SPATA22: variants seen among roughly 807,000 people sequenced by gnomAD.
The protein encoded by SPATA22 is spermatogenesis-associated protein 22.
SPATA22 carries 29 observed loss-of-function variants against 47.8 expected under a neutral mutation model. That is an observed-to-expected ratio of 0.61 (90% CI 0.45 to 0.83). The LOEUF is 0.83. Ranked by LOEUF, SPATA22 falls within the 40% of genes least tolerant of loss-of-function variation. SPATA22 has a pLI of 0.00. For missense variants in SPATA22, 410 were observed against 421.7 expected (o/e 0.97, Z 0.24); for synonymous variants, 133 against 140.9 (o/e 0.94, Z 0.40).
intron 3 of SPATA22, among the ~76,000 whole-genome samples, chr17:3,464,851 C>T (rs1338474692): frequency 1.6e-5 from 2 of 121,690 alleles, no homozygotes; most frequent in South Asian, 2.6e-4. Context: ...AAGTGAGGAG[C>T]GTCTCCGCCC....
chr17:3,508,806 C>T (rs1174368375), intron 1 of SPATA22, among the ~76,000 whole-genome samples: 6 of 141,934 alleles, frequency 4.2e-5, no homozygotes, highest in African/African-American at 1.3e-4. Context: ...TGCTAAATGA[C>T]GAGTTAATGG....
At chr17:3,493,852 G>GGCCGTCGGCGTGTTTGTGGACAGAGT (rs2073866029) in intron 1 of SPATA22, among the ~76,000 whole-genome samples, 1 of 152,014 alleles carries the variant, frequency 6.6e-6, no homozygotes, top group African/African-American at 2.4e-5. Context: ...TTCTACCTCT[G>GGCCGTCGGCGTGTTTGTGGACAGAGT]GCCGTCGGCG....
At position 3,440,299 on chromosome 17, in the gene SPATA22, T is replaced by C; in HGVS notation, c.940A>G (p.Arg314Gly). ...LPRLIRGRVH[R>G]CVGNYDQKKN... ...TTCTGGTCATAGTTGCCAACACATC[T>C]ATGAACTCGGCCTCTAATCAGTCTC... Residue 314 changes from arginine (R) to glycine (G), a missense_variant, in exon 9 of 9, where the codon AGA becomes GGA. Arg to Gly is a moderately radical substitution (Grantham distance 125, BLOSUM62 -2). Transcript: ENST00000572969. 6.2e-7 allele frequency: 1 copy of C among 1,602,724 alleles called. No homozygotes were observed. The highest frequency in any genetic ancestry group is 8.5e-7 in the Non-Finnish European group (1 of 1,172,900).
chr17:3,458,925 C>G (rs1401375563), intron 5 of SPATA22, among the ~76,000 whole-genome samples: 1 of 131,260 alleles, frequency 7.6e-6, no homozygotes, highest in Non-Finnish European at 1.6e-5. Flanking sequence ...AATGGACTAA[C>G]AAATGTATCA....
intron 1 of SPATA22, among the ~76,000 whole-genome samples, chr17:3,508,757 G>T (rs1406398655): frequency 2.0e-5 from 2 of 102,048 alleles, no homozygotes; most frequent in East Asian, 7.3e-4. Context: ...TTGTGGGGTG[G>T]GGGGAGGGGG....
At chr17:3,475,263 A>G (rs2073504013), upstream of SPATA22, among the ~76,000 whole-genome samples, 2 of 152,100 alleles carry the variant, frequency 1.3e-5, no homozygotes, top group African/African-American at 2.4e-5. Context: ...TTTTTGAGTA[A>G]CACAGTCCAG....
At chr17:3,501,973 A>G (rs2073996430) in intron 1 of SPATA22, 2 of 152,176 alleles carry the variant, frequency 1.3e-5, no homozygotes, top group Admixed American at 1.3e-4. Context: ...AAAAAAAAAA[A>G]ATGAGTTCTA....
At chr17:3,498,286 C>T (rs2073941241) in intron 1 of SPATA22, among the ~76,000 whole-genome samples, 1 of 152,122 alleles carries the variant, frequency 6.6e-6, no homozygotes, top group South Asian at 2.1e-4. Flanking sequence ...TTTAGTTTTG[C>T]CTTTTAATAT....
intron 1 of SPATA22, among the ~76,000 whole-genome samples, chr17:3,479,380 ATTAACTT>A (rs2073588747): frequency 6.6e-6 from 1 of 152,258 alleles, no homozygotes; most frequent in Admixed American, 6.5e-5. Context: ...TATTTCATGA[ATTAACTT>A]TTAAAATGTA....
At position 3,440,081 on chromosome 17, in the gene SPATA22, G is replaced by T; in HGVS notation, c.*66C>A. The T allele has an allele frequency of 9.8e-7, 1 of 1,021,428 alleles. No individual in the cohort carries two copies. The highest frequency in any genetic ancestry group is 1.4e-6 in the Non-Finnish European group (1 of 727,406). 63.3% of individuals were successfully genotyped at this position (1,021,428 alleles called of 1,614,324 possible). A position where few individuals can be genotyped will look rare whatever the true frequency, so the allele number is the denominator to read the frequency against. ...ATACAATAGTAGCTATAAAACTATGGAGATGGTAAATTAAGCAATAACAGA... is the reference window on the plus strand; with the variant it reads ...ATACAATAGTAGCTATAAAACTATGTAGATGGTAAATTAAGCAATAACAGA... On this transcript the variant is annotated 3_prime_UTR_variant, in exon 9 of 9. Coordinates refer to ENST00000572969, the MANE Select transcript of SPATA22 (RefSeq NM_001170698.2).
At chr17:3,445,736 G>C (rs953776452) in intron 7 of SPATA22, among the ~76,000 whole-genome samples, 5 of 152,016 alleles carry the variant, frequency 3.3e-5, no homozygotes, top group Non-Finnish European at 7.4e-5. Context: ...ATCATTTTTA[G>C]GTGAAAGTTA....
chr17:3,487,362 A>C (rs901710852), intron 1 of SPATA22, among the ~76,000 whole-genome samples: 1 of 152,220 alleles, frequency 6.6e-6, no homozygotes, highest in Non-Finnish European at 1.5e-5. Context: ...GAAGGAGAAC[A>C]TATAACATTT....
intron 1 of SPATA22, among the ~76,000 whole-genome samples, chr17:3,484,947 A>G (rs1182221916): frequency 1.3e-5 from 2 of 152,148 alleles, no homozygotes; most frequent in African/African-American, 4.8e-5. Flanking sequence ...ATGTATGCTT[A>G]CTAAATATTA....
At chr17:3,489,394 T>A (rs1265938892) in intron 1 of SPATA22, 1 of 1,429,326 alleles carries the variant, frequency 7.0e-7, no homozygotes, top group African/African-American at 1.4e-5. Flanking sequence ...AACATTTAAA[T>A]AACAATTGGA....
intron 5 of SPATA22, among the ~76,000 whole-genome samples, chr17:3,455,371 ATG>A (rs2072963543): frequency 6.6e-6 from 1 of 151,518 alleles, no homozygotes; most frequent in Admixed American, 6.6e-5. Context: ...GTCCTTGCCC[ATG>A]CCTATGTCCT....
At chr17:3,472,678 C>T (rs767960930), upstream of SPATA22, among the ~76,000 whole-genome samples, 3 of 152,128 alleles carry the variant, frequency 2.0e-5, no homozygotes, top group Non-Finnish European at 4.4e-5. Flanking sequence ...AGTTCAAAGC[C>T]CATGTTTTGT....
intron 3 of SPATA22, among the ~76,000 whole-genome samples, chr17:3,465,883 C>T (rs759393774): frequency 6.6e-6 from 1 of 152,050 alleles, no homozygotes; most frequent in South Asian, 2.1e-4. Flanking sequence ...CTGGTCCGAG[C>T]TTGAAGTACT....
At chr17:3,504,294 AC>A (rs2074021257) in intron 1 of SPATA22, among the ~76,000 whole-genome samples, 1 of 152,164 alleles carries the variant, frequency 6.6e-6, no homozygotes, top group Non-Finnish European at 1.5e-5. Flanking sequence ...CTAGAAAGTG[AC>A]CAATAGAGGT....
rs574912223 is a variant in SPATA22 at position 3,462,442 on chromosome 17, G to C, written c.329+41C>G. ...AGAATGAAGAGGAAGACAGGAAAATGAGAAGGAATAGAAGAAGAAAGAAAT... is the reference window on the plus strand; with the variant it reads ...AGAATGAAGAGGAAGACAGGAAAATCAGAAGGAATAGAAGAAGAAAGAAAT... On this transcript the variant is annotated intron_variant, in intron 5 of 8. Transcript: ENST00000572969. The C allele has an allele frequency of 3.7e-6, 5 of 1,357,090 alleles. No homozygotes were observed. In the East Asian group the frequency reaches 9.2e-5, roughly 25 times the overall value. The allele number at this position is 1,357,090 out of a possible 1,614,324, so 84.1% of individuals were successfully genotyped here. A position where few individuals can be genotyped will look rare whatever the true frequency, so the allele number is the denominator to read the frequency against.
Sources: gnomAD v4.1 joint callset for allele counts (sites outside exome capture counted in the v4.1 genomes callset) on GRCh38, gnomAD v4.1.1 for gene constraint, MANE v1.5 for transcripts, NCBI Gene and HGNC (gene_info 2026-07-23, HGNC 2026-07-21) for gene names.